The following SLC1A1 variants were observed in gnomAD, a reference collection of about 807,000 sequenced individuals.
SLC1A1 encodes the protein excitatory amino acid transporter 3.
SLC1A1 carries 43 observed loss-of-function variants against 53.3 expected under a neutral mutation model. The ratio of observed to expected loss-of-function variants is 0.81; its 90% CI spans 0.63 to 1.04. SLC1A1 has a LOEUF of 1.04. Ranked by LOEUF, SLC1A1 falls within the 50% of genes least tolerant of loss-of-function variation. The pLI, the probability that SLC1A1 is intolerant of heterozygous loss-of-function variation, is 0.00. For synonymous variants in SLC1A1, 307 were observed against 243.2 expected (o/e 1.26, Z -2.44); for missense variants, 748 against 664.9 (o/e 1.12, Z -1.37).
chr9:4,573,857 G>T, intron 7 of SLC1A1, 50 bp from the exon 8 acceptor site: 1 of 1,299,750 alleles, frequency 7.7e-7, no homozygotes, highest in South Asian at 1.2e-5. Context: ...AACCTAGCAT[G>T]AGAAAGCACT....
chr9:4,544,115 G>A (rs968872481), intron 1 of SLC1A1, among the ~76,000 whole-genome samples: 1 of 152,164 alleles, frequency 6.6e-6, no homozygotes, highest in African/African-American at 2.4e-5. Flanking sequence ...GGTTGAGGCT[G>A]CAGTGAGCCG....
At chr9:4,561,624 G>C in intron 3 of SLC1A1, 83 bp downstream of exon 3, 1 of 864,848 alleles carries the variant, frequency 1.2e-6, no homozygotes, top group South Asian at 1.3e-5. Context: ...AGATGCGGTG[G>C]CTCAGGCCTG....
intron 1 of SLC1A1, among the ~76,000 whole-genome samples, chr9:4,517,982 C>T (rs1217657457): frequency 6.6e-6 from 1 of 151,966 alleles, no homozygotes; most frequent in Non-Finnish European, 1.5e-5. Context: ...AATCCCAGCA[C>T]TTTGGGAGGC....
intron 1 of SLC1A1, among the ~76,000 whole-genome samples, chr9:4,492,948 T>G (rs1304431617): frequency 6.6e-6 from 1 of 152,210 alleles, no homozygotes; most frequent in Non-Finnish European, 1.5e-5. Flanking sequence ...CTCGTCAGCA[T>G]GCGATTCACT....
chr9:4,581,319 C>A (rs1409386228), intron 10 of SLC1A1, among the ~76,000 whole-genome samples: 1 of 152,180 alleles, frequency 6.6e-6, no homozygotes, highest in East Asian at 1.9e-4. Flanking sequence ...ATGTTTTCTT[C>A]TGTGGAAATC....
At chr9:4,571,559 C>A (rs1313089477) in intron 6 of SLC1A1, among the ~76,000 whole-genome samples, 7 of 152,098 alleles carry the variant, frequency 4.6e-5, no homozygotes, top group African/African-American at 1.7e-4. Flanking sequence ...TGCCTGTAAT[C>A]CCAGCTACTA....
At chr9:4,569,317 A>C (rs1819805154) in intron 6 of SLC1A1, among the ~76,000 whole-genome samples, 2 of 152,240 alleles carry the variant, frequency 1.3e-5, no homozygotes, top group Non-Finnish European at 2.9e-5. Flanking sequence ...GGGCAACAAC[A>C]TGCCAGAATC....
At chr9:4,536,169 G>GC in intron 1 of SLC1A1, among the ~76,000 whole-genome samples, 1 of 152,110 alleles carries the variant, frequency 6.6e-6, no homozygotes, top group Non-Finnish European at 1.5e-5. Flanking sequence ...AAAAGCAATG[G>GC]CAACAAAAGC....
At position 4,534,862 on chromosome 9, in the gene SLC1A1, A is replaced by T. The variant is rs1586722946; in HGVS notation, c.92-9705A>T. ...CACATCAAGAAGCTTATCCACCATGATCTAGTGGGATTCATCCCTGGGATG... is the reference window on the plus strand; with the variant it reads ...CACATCAAGAAGCTTATCCACCATGTTCTAGTGGGATTCATCCCTGGGATG... On this transcript the variant is annotated intron_variant, in intron 1 of 11. Transcript: ENST00000262352. 2.0e-5 allele frequency among the ~76,000 whole-genome samples: 3 copies of T among 152,286 alleles called. No homozygotes were observed. In the South Asian group the frequency reaches 6.2e-4, roughly 32 times the overall value.
At chr9:4,528,678 G>A (rs1470116999) in intron 1 of SLC1A1, among the ~76,000 whole-genome samples, 1 of 152,146 alleles carries the variant, frequency 6.6e-6, no homozygotes, top group African/African-American at 2.4e-5. Flanking sequence ...AGGATCTAAG[G>A]TATAAAGAGA....
chr9:4,564,297 G>A (rs370271757), intron 3 of SLC1A1, 47 bp from the exon 4 acceptor site: 6 of 1,284,404 alleles, frequency 4.7e-6, no homozygotes, highest in Non-Finnish European at 6.8e-6. Flanking sequence ...TGTGCCAGGT[G>A]CCCTGGAAGG....
intron 8 of SLC1A1, among the ~76,000 whole-genome samples, chr9:4,574,791 C>T (rs776431051): frequency 2.0e-5 from 3 of 152,184 alleles, no homozygotes; most frequent in Non-Finnish European, 2.9e-5. Context: ...CCTACAAACA[C>T]CCAACTTGAG....
chr9:4,523,607 T>A (rs1437856598), intron 1 of SLC1A1, among the ~76,000 whole-genome samples: 1 of 152,242 alleles, frequency 6.6e-6, no homozygotes, highest in Non-Finnish European at 1.5e-5. Context: ...CTTCTGACTC[T>A]GCTGCTCCTT....
At chr9:4,566,537 T>C (rs1819502930) in intron 5 of SLC1A1, among the ~76,000 whole-genome samples, 1 of 152,082 alleles carries the variant, frequency 6.6e-6, no homozygotes, top group African/African-American at 2.4e-5. Flanking sequence ...CACATCTGGG[T>C]TCAGTCTTCT....
chr9:4,554,023 G>T lies in SLC1A1; in HGVS notation c.233-7426G>T, dbSNP rs369054268. 7.9e-5 allele frequency: 12 copies of T among 152,238 alleles called. No homozygotes were observed. The South Asian group carries it at 2.5e-3, about 32-fold the overall frequency. 9.4% of individuals were successfully genotyped at this position (152,238 alleles called of 1,614,324 possible). On this transcript the variant is annotated intron_variant, in intron 2 of 11. Transcript: ENST00000262352. The stretch of plus-strand genomic sequence containing the variant: ...TCTGGGGAATAAAAGAAACATTTTG[G>T]AATTTAAAAATCATGAACCTGTTTA...
chr9:4,531,866 G>T (rs1816483972), intron 1 of SLC1A1, among the ~76,000 whole-genome samples: 1 of 152,160 alleles, frequency 6.6e-6, no homozygotes, highest in African/African-American at 2.4e-5. Context: ...AATTTCCAGA[G>T]AAATGATCAG....
At chr9:4,516,715 G>T (rs1203810300) in intron 1 of SLC1A1, among the ~76,000 whole-genome samples, 1 of 152,102 alleles carries the variant, frequency 6.6e-6, no homozygotes, top group Non-Finnish European at 1.5e-5. Flanking sequence ...ATGTTCAATG[G>T]CTATTCATTA....
In SLC1A1 at chr9:4,556,984, T is replaced by G. The variant is rs371520223; in HGVS notation, c.233-4465T>G. On this transcript the variant is annotated intron_variant, in intron 2 of 11. Coordinates refer to ENST00000262352, the MANE Select transcript of SLC1A1 (RefSeq NM_004170.6). This position sits in a 1 kb window ranked among gnomAD's most constrained non-coding sequence, Gnocchi z 4.1. ...ATGTTACATGTGTTCCCCTGTGGAGTCTTTTATGGCTGAAAAGTGTTCTCG... is the reference window on the plus strand; with the variant it reads ...ATGTTACATGTGTTCCCCTGTGGAGGCTTTTATGGCTGAAAAGTGTTCTCG... 1.3e-5 allele frequency among the ~76,000 whole-genome samples: 2 copies of G among 151,816 alleles called. No individual in the cohort carries two copies. The highest frequency in any genetic ancestry group is 4.8e-5 in the African/African-American group (2 of 41,308).
In SLC1A1 at chr9:4,490,761, G is replaced by C. The variant is rs772455202; in HGVS notation, c.82G>C (p.Val28Leu). ...NWVLLSTVAA[V>L]VLGITTGVLV... ...GGTGTTGCTGTCCACCGTGGCCGCG[G>C]TGGTGCTAGGTGAGCGGCGCGGCGG... Residue 28 changes from valine to leucine, a missense_variant, in exon 1 of 12, where the codon GTG becomes CTG. Val to Leu is a conservative substitution (Grantham distance 32, BLOSUM62 1). Coordinates refer to ENST00000262352, the MANE Select transcript of SLC1A1 (RefSeq NM_004170.6). 1 of 1,611,966 alleles carries C rather than the reference G, an allele frequency of 6.2e-7. No individual in the cohort carries two copies. Among genetic ancestry groups the C allele is most frequent in the Non-Finnish European group, 8.5e-7 (1 of 1,178,542 alleles).
Sources: allele counts gnomAD v4.1 joint callset (sites outside exome capture counted in the v4.1 genomes callset), GRCh38; gene constraint gnomAD v4.1.1; non-coding constraint Gnocchi (gnomAD v3.1); transcripts MANE v1.5; gene names NCBI Gene and HGNC (gene_info 2026-07-23, HGNC 2026-07-21).